TRIP13: variants seen among roughly 807,000 people sequenced by gnomAD.
TRIP13 encodes pachytene checkpoint protein 2 homolog.
In TRIP13, 25 loss-of-function variants were observed where a neutral mutation model predicts 54.4. The ratio of observed to expected loss-of-function variants is 0.46; its 90% CI spans 0.33 to 0.64. The LOEUF (loss-of-function observed/expected upper bound fraction) is 0.64, where lower values mean the gene tolerates loss of function less well. Among genes scored for constraint, TRIP13 ranks in the 30% least tolerant of loss-of-function variants. The pLI is 0.02. For synonymous variants in TRIP13, 207 were observed against 207.8 expected, an observed-to-expected ratio of 1.00 and a Z score of 0.03; for missense variants, 373 against 534.2, an observed-to-expected ratio of 0.70 and a Z score of 2.97.
At chr5:896,482 G>T (rs561539964) in intron 2 of TRIP13, among the ~76,000 whole-genome samples, 183 bp from the exon 3 acceptor site, 1 of 152,302 alleles carries the variant, frequency 6.6e-6, no homozygotes, top group Admixed American at 6.5e-5. Flanking sequence ...ATGGGTATTA[G>T]CTTTCAAAAG....
Position 914,539 on chromosome 5 carries a change from C to T in TRIP13, c.1095C>T (p.Asn365=). The T allele has an allele frequency of 1.9e-6, 3 of 1,613,596 alleles. No homozygotes were observed. The highest frequency in any genetic ancestry group is 2.5e-6 in the Non-Finnish European group (3 of 1,179,898). The part of the protein sequence containing the change: ...ELEMIGFIEN[N]VSKLSLLLND... ...AGATGATTGGCTTCATTGAAAACAACGTGTCAAAATTGAGCCTTCTTTTGA... is the reference window on the plus strand; with the variant it reads ...AGATGATTGGCTTCATTGAAAACAATGTGTCAAAATTGAGCCTTCTTTTGA... The change falls in exon 11 of 13, where the codon AAC becomes AAT. Residue 365 remains asparagine (N), a synonymous_variant. Transcript: ENST00000166345.
At position 908,142 on chromosome 5, in the gene TRIP13, T is replaced by A; in HGVS notation, c.759+68T>A. The A allele has an allele frequency of 6.4e-7, 1 of 1,552,992 alleles. No homozygotes were observed. Among genetic ancestry groups the A allele is most frequent in the South Asian group, 1.1e-5 (1 of 89,734 alleles). ...TTGCCATTGTGGGGACACAGCCTAC[T>A]CCTGATGCTCCTAGCTTTCCCCTCC... On this transcript the variant is annotated intron_variant, in intron 8 of 12. Coordinates refer to ENST00000166345, the MANE Select transcript of TRIP13 (RefSeq NM_004237.4). This position sits in a 1 kb window ranked among gnomAD's most constrained non-coding sequence, Gnocchi z 5.2.
chr5:900,560 G>C lies in TRIP13; in HGVS notation c.444+11G>C. On this transcript the variant is annotated intron_variant, in intron 4 of 12. Transcript: ENST00000166345. ...GAAGTCAAATCCCATGTAAGTTGCT[G>C]TGCCTTTTCCCAGAATGCCCTGTTA... The C allele has an allele frequency of 6.2e-7, 1 of 1,610,498 alleles. No homozygotes were observed. Among genetic ancestry groups the C allele is most frequent in the Non-Finnish European group, 8.5e-7 (1 of 1,179,090 alleles).
intron 9 of TRIP13, among the ~76,000 whole-genome samples, chr5:910,386 A>C (rs1244142377): frequency 6.6e-6 from 1 of 152,132 alleles, no homozygotes; most frequent in African/African-American, 2.4e-5. Context: ...CCCCTTCAGC[A>C]TAGCTCAGGG....
At chr5:909,228 G>A (rs1754180416) in intron 9 of TRIP13, among the ~76,000 whole-genome samples, 1 of 152,178 alleles carries the variant, frequency 6.6e-6, no homozygotes. Context: ...TGTAGCCCAA[G>A]TTTATCAAGC....
chr5:910,325 C>T (rs544484911), intron 9 of TRIP13, among the ~76,000 whole-genome samples: 13 of 152,316 alleles, frequency 8.5e-5, no homozygotes, highest in South Asian at 4.1e-4. Flanking sequence ...GGCGTCTCTC[C>T]GCAGGGAGGG....
chr5:916,119 C>T (rs918442961), intron 12 of TRIP13, 146 bp downstream of exon 12: 2 of 821,830 alleles, frequency 2.4e-6, no homozygotes, highest in East Asian at 2.5e-5. Flanking sequence ...GAGGAGCTGA[C>T]CTTGGCACCG....
At position 908,002 on chromosome 5, in the gene TRIP13, A is replaced by T; in HGVS notation, c.687A>T (p.Val229=). 6.2e-7 allele frequency: 1 copy of T among 1,614,226 alleles called. No homozygotes were observed. Among genetic ancestry groups the T allele is most frequent in the Non-Finnish European group, 8.5e-7 (1 of 1,180,048 alleles). The change falls in exon 8 of 13, where the codon GTA becomes GTT. Residue 229 remains valine, a synonymous_variant. Coordinates refer to ENST00000166345, the MANE Select transcript of TRIP13 (RefSeq NM_004237.4). The surrounding 1 kb of genome is among the most constrained non-coding windows in gnomAD (Gnocchi z 5.2). The part of the protein sequence containing the change: ...SKWFSESGKL[V]TKMFQKIQDL... ...TTGGGTTCCAGAGTGGCAAGCTGGT[A>T]ACCAAGATGTTTCAGAAGATTCAGG...
chr5:907,225 G>A lies in TRIP13; in HGVS notation c.672+32G>A, dbSNP rs144923225. 3.4e-4 allele frequency: 534 copies of A among 1,577,400 alleles called. 2 individuals are homozygous for A. The African/African-American group carries it at 6.3e-3, about 19-fold the overall frequency. ...ATTAAATATTAATTCTAATTGTCTG[G>A]ATTGTATAGCTGAAAAAATGTCTTG... On this transcript the variant is annotated intron_variant, in intron 7 of 12. Coordinates refer to ENST00000166345, the MANE Select transcript of TRIP13 (RefSeq NM_004237.4). This position sits in a 1 kb window ranked among gnomAD's most constrained non-coding sequence, Gnocchi z 4.1.
intron 9 of TRIP13, among the ~76,000 whole-genome samples, chr5:909,858 C>T (rs1247682105): frequency 6.6e-6 from 1 of 152,270 alleles, no homozygotes; most frequent in African/African-American, 2.4e-5. Flanking sequence ...TTGTCTGTGG[C>T]TTAAGAACGC....
At chr5:909,210 G>A (rs1236876886) in intron 9 of TRIP13, among the ~76,000 whole-genome samples, 1 of 152,190 alleles carries the variant, frequency 6.6e-6, no homozygotes, top group Non-Finnish European at 1.5e-5. Flanking sequence ...GCCAGGGCCT[G>A]TTGTCATTGT....
intron 9 of TRIP13, among the ~76,000 whole-genome samples, chr5:910,266 T>C (rs1034919861): frequency 2.6e-5 from 4 of 152,226 alleles, no homozygotes; most frequent in Admixed American, 1.3e-4. Context: ...AATCTCTTTG[T>C]GCCTCCCTCC....
At chr5:896,816 G>A (rs770518950) in intron 3 of TRIP13, 22 bp downstream of exon 3, 2 of 1,610,300 alleles carry the variant, frequency 1.2e-6, no homozygotes, top group Non-Finnish European at 1.7e-6. Flanking sequence ...GATGGGAGTT[G>A]AAGGGGAGGC....
At position 894,790 on chromosome 5, in the gene TRIP13, T is replaced by A. The variant is rs1753878692; in HGVS notation, c.96T>A (p.Thr32=). 1 of 1,596,706 alleles carries A rather than the reference T, an allele frequency of 6.3e-7. No homozygotes were observed. ...GTGTTTTGGCTTCTTTTTTTAGCAC[T>A]GCAAAGAAAGAAGACATAAACCTGA... The part of the protein sequence containing the change: ...HVEVHQRGSS[T]AKKEDINLSV... Residue 32 remains threonine, a synonymous_variant, in exon 2 of 13, where the codon ACT becomes ACA. Coordinates refer to ENST00000166345, the MANE Select transcript of TRIP13 (RefSeq NM_004237.4).
Position 912,997 on chromosome 5 carries a change from G to A in TRIP13, c.1020+1001G>A, listed in dbSNP as rs560495839. On this transcript the variant is annotated intron_variant, in intron 10 of 12. Transcript: ENST00000166345. This position sits in a 1 kb window ranked among gnomAD's most constrained non-coding sequence, Gnocchi z 7.2. Reference sequence around the variant, plus strand: ...GGCACACCCTGCTGTGGTTGGGGACGGGAGAACTGGTCTCAGCCATGGACC... The same window carrying A: ...GGCACACCCTGCTGTGGTTGGGGACAGGAGAACTGGTCTCAGCCATGGACC... Among the ~76,000 whole-genome samples, 6 of 152,244 alleles carry A rather than the reference G, an allele frequency of 3.9e-5. No homozygotes were observed. In the East Asian group the frequency reaches 5.8e-4, roughly 15 times the overall value.
intron 2 of TRIP13, among the ~76,000 whole-genome samples, chr5:895,408 AG>A (rs1239703991): frequency 1.3e-5 from 2 of 152,088 alleles, no homozygotes; most frequent in Non-Finnish European, 2.9e-5. Flanking sequence ...TATGGGTTAG[AG>A]GAGCTTTGTG....
At chr5:904,050 T>C in intron 5 of TRIP13, 98 bp from the exon 6 acceptor site, 1 of 1,092,626 alleles carries the variant, frequency 9.2e-7, no homozygotes, top group South Asian at 1.5e-5. Flanking sequence ...CTTTTAACTG[T>C]ATTCCTTATA....
At position 912,997 on chromosome 5, in the gene TRIP13, G is replaced by C. The variant is rs560495839; in HGVS notation, c.1020+1001G>C. 6.6e-6 allele frequency among the ~76,000 whole-genome samples: 1 copy of C among 152,126 alleles called. No individual in the cohort carries two copies. Reference sequence around the variant, plus strand: ...GGCACACCCTGCTGTGGTTGGGGACGGGAGAACTGGTCTCAGCCATGGACC... The same window carrying C: ...GGCACACCCTGCTGTGGTTGGGGACCGGAGAACTGGTCTCAGCCATGGACC... On this transcript the variant is annotated intron_variant, in intron 10 of 12. Coordinates refer to ENST00000166345, the MANE Select transcript of TRIP13 (RefSeq NM_004237.4). The surrounding 1 kb of genome is among the most constrained non-coding windows in gnomAD (Gnocchi z 7.2).
At chr5:916,729 G>A (rs1754347888) in intron 12 of TRIP13, among the ~76,000 whole-genome samples, 1 of 152,208 alleles carries the variant, frequency 6.6e-6, no homozygotes, top group Admixed American at 6.5e-5. Context: ...TGTGTGGGTG[G>A]CTGCCTTGGT....
Sources: gnomAD v4.1 joint callset for allele counts (sites outside exome capture counted in the v4.1 genomes callset) on GRCh38, gnomAD v4.1.1 for gene constraint, Gnocchi (gnomAD v3.1) non-coding constraint, MANE v1.5 for transcripts, NCBI Gene and HGNC (gene_info 2026-07-23, HGNC 2026-07-21) for gene names.